The following SCUBE1 variants were observed in gnomAD, a reference collection of about 807,000 sequenced individuals.
The protein encoded by SCUBE1 is signal peptide, CUB and EGF-like domain-containing protein 1.
A neutral mutation model predicts 124.4 loss-of-function variants in SCUBE1; 59 were observed. The ratio of observed to expected loss-of-function variants is 0.47; its 90% CI spans 0.38 to 0.59. SCUBE1 has a LOEUF of 0.59. Ranked by LOEUF, SCUBE1 falls within the 20% of genes least tolerant of loss-of-function variation. The pLI, the probability that SCUBE1 is intolerant of heterozygous loss-of-function variation, is 0.00. For synonymous variants in SCUBE1, 545 were observed against 550.9 expected (o/e 0.99, Z 0.15); for missense variants, 1,150 against 1,371.2 (o/e 0.84, Z 2.55).
chr22:43,232,941 A>G (rs2146680204), intron 7 of SCUBE1, among the ~76,000 whole-genome samples: 1 of 152,276 alleles, frequency 6.6e-6, no homozygotes, highest in South Asian at 2.1e-4. Flanking sequence ...ACACAGTCTC[A>G]GCTACTCCCA....
At chr22:43,304,508 C>T (rs1925892368) in intron 3 of SCUBE1, among the ~76,000 whole-genome samples, 1 of 126,074 alleles carries the variant, frequency 7.9e-6, no homozygotes, top group South Asian at 2.9e-4. Flanking sequence ...GCAGGCTGAA[C>T]CCAGGCAGAG....
At position 43,280,542 on chromosome 22, in the gene SCUBE1, C is replaced by G. The variant is rs62232105; in HGVS notation, c.484+10504G>C. On this transcript the variant is annotated intron_variant, in intron 4 of 21. Transcript: ENST00000360835. ...GCTGTCCCTTCCCCTCACCCATCCT[C>G]CTGTCCCTTCCCCTCACCCATCCTG... 1.6e-3 allele frequency among the ~76,000 whole-genome samples: 113 copies of G among 69,632 alleles called. 1 individual carries two copies. Among genetic ancestry groups the G allele is most frequent in the Middle Eastern group, 8.9e-3 (1 of 112 alleles). The allele number at this position is 69,632 out of a possible 152,430, so 45.7% of individuals were successfully genotyped here.
At chr22:43,337,645 G>A (rs907196741) in intron 2 of SCUBE1, among the ~76,000 whole-genome samples, 1 of 152,214 alleles carries the variant, frequency 6.6e-6, no homozygotes, top group African/African-American at 2.4e-5. Flanking sequence ...GAGCGTGCCA[G>A]GAATATTACC....
intron 4 of SCUBE1, among the ~76,000 whole-genome samples, chr22:43,279,999 G>A (rs1201999828): frequency 6.6e-6 from 1 of 152,182 alleles, no homozygotes; most frequent in Admixed American, 6.5e-5. Context: ...CCTCACTCAA[G>A]CCAATCAAGT....
intron 6 of SCUBE1, among the ~76,000 whole-genome samples, chr22:43,245,466 T>A (rs1923172454): frequency 6.6e-6 from 1 of 151,954 alleles, no homozygotes; most frequent in Non-Finnish European, 1.5e-5. Flanking sequence ...GGGGTGGGGC[T>A]CAAGTGTGGC....
rs201546663 is a variant in SCUBE1, at chr22:43,262,685, C to T, written c.610+35G>A. 4.1e-4 allele frequency: 655 copies of T among 1,609,076 alleles called. 1 individual carries two copies. Among genetic ancestry groups the T allele is most frequent in the African/African-American group, 2.5e-3 (184 of 74,932 alleles). On this transcript the variant is annotated intron_variant, in intron 5 of 21. Transcript: ENST00000360835. ...CCAGAAAGTAATGGCAGGAGACGCA[C>T]GGGACGTTTGACCCATTTGTCTCCC...
At chr22:43,215,085 G>C (rs1921751319) in intron 15 of SCUBE1, among the ~76,000 whole-genome samples, 1 of 152,216 alleles carries the variant, frequency 6.6e-6, no homozygotes, top group African/African-American at 2.4e-5. Flanking sequence ...CAGGAGCAAT[G>C]AATATCCCAG....
rs1321094739 is a variant in SCUBE1, at chr22:43,198,603, G to T, written c.*5394C>A. ...TACATCCTCTGCCCTTGGCCTGAAT[G>T]ATGTCGGCTCGGCATGGACACCTTG... On this transcript the variant is annotated 3_prime_UTR_variant, in exon 22 of 22. Transcript: ENST00000360835. 2.2e-6 allele frequency: 1 copy of T among 456,656 alleles called. No homozygotes were observed. The highest frequency in any genetic ancestry group is 4.4e-6 in the Non-Finnish European group (1 of 226,982). 28.3% of individuals were successfully genotyped at this position (456,656 alleles called of 1,614,324 possible).
chr22:43,296,574 T>C (rs990228656), intron 3 of SCUBE1, among the ~76,000 whole-genome samples: 1 of 152,198 alleles, frequency 6.6e-6, no homozygotes, highest in African/African-American at 2.4e-5. Flanking sequence ...GGAAATCCTT[T>C]CAACTGGTGA....
intron 4 of SCUBE1, among the ~76,000 whole-genome samples, chr22:43,265,179 A>G (rs1924015393): frequency 2.0e-5 from 3 of 152,230 alleles, no homozygotes; most frequent in African/African-American, 7.2e-5. Flanking sequence ...ATGGAATATT[A>G]AGCCCTAGAG....
intron 21 of SCUBE1, among the ~76,000 whole-genome samples, chr22:43,207,069 C>T (rs1020045655): frequency 3.3e-5 from 5 of 152,322 alleles, no homozygotes; most frequent in Non-Finnish European, 7.4e-5. Context: ...GTCCCCAGGC[C>T]TCTGGCCAGT....
At chr22:43,322,232 C>G (rs1436568678) in intron 2 of SCUBE1, among the ~76,000 whole-genome samples, 1 of 152,178 alleles carries the variant, frequency 6.6e-6, no homozygotes, top group Non-Finnish European at 1.5e-5. Flanking sequence ...ATCCGCCCAC[C>G]TTGGCCTCCC....
chr22:43,249,587 G>T (rs1452828126), intron 6 of SCUBE1, among the ~76,000 whole-genome samples: 1 of 152,094 alleles, frequency 6.6e-6, no homozygotes, highest in East Asian at 1.9e-4. Context: ...ACCAAGCTCT[G>T]GCCTGTGTGC....
intron 16 of SCUBE1, 144 bp from the exon 17 acceptor site, chr22:43,212,736 G>A: frequency 1.3e-6 from 1 of 750,654 alleles, no homozygotes; most frequent in Non-Finnish European, 2.1e-6. Flanking sequence ...GACGGGGTGG[G>A]GAAAACGCAG....
At position 43,343,299 on chromosome 22, in the gene SCUBE1, G is replaced by A; in HGVS notation, c.-38C>T. ...CCCCGCTGGGCGTGCGGGCGTGCGGGGCGCGGGGACCCGACCGACCGGCCG... is the reference window on the plus strand; with the variant it reads ...CCCCGCTGGGCGTGCGGGCGTGCGGAGCGCGGGGACCCGACCGACCGGCCG... On this transcript the variant is annotated 5_prime_UTR_variant, in exon 1 of 22. Coordinates refer to ENST00000360835, the MANE Select transcript of SCUBE1 (RefSeq NM_173050.5). 1 of 1,039,860 alleles carries A rather than the reference G, an allele frequency of 9.6e-7. No homozygotes were observed. Among genetic ancestry groups the A allele is most frequent in the South Asian group, 4.5e-5 (1 of 22,102 alleles). The allele number at this position is 1,039,860 out of a possible 1,614,324, so 64.4% of individuals were successfully genotyped here.
intron 10 of SCUBE1, among the ~76,000 whole-genome samples, chr22:43,226,692 A>AC (rs1465674260): frequency 6.6e-6 from 1 of 152,136 alleles, no homozygotes; most frequent in Non-Finnish European, 1.5e-5. Context: ...TAAAAGGCTC[A>AC]CTTAGGCTGC....
At chr22:43,280,468 TCCCGTCCCTTCCCCTCACCCATCCCC>T (rs1569009421) in intron 4 of SCUBE1, among the ~76,000 whole-genome samples, 16 of 32,820 alleles carry the variant, frequency 4.9e-4, no homozygotes, top group Non-Finnish European at 7.5e-4. Flanking sequence ...TCACCCATCC[TCCCGTCCCTTCCCCTCACCCATCCCC>T]GTCCCTTCCC....
chr22:43,302,423 T>C (rs573964255), intron 3 of SCUBE1, among the ~76,000 whole-genome samples: 105 of 152,322 alleles, frequency 6.9e-4, no homozygotes, highest in South Asian at 1.2e-3. Context: ...GAACTACATT[T>C]CACTCACTTT....
At chr22:43,318,595 T>C (rs1351573745) in intron 3 of SCUBE1, among the ~76,000 whole-genome samples, 1 of 152,160 alleles carries the variant, frequency 6.6e-6, no homozygotes, top group Non-Finnish European at 1.5e-5. Flanking sequence ...ATCACCACTA[T>C]GGTAAAAACA....
Sources: gnomAD v4.1 joint callset for allele counts (sites outside exome capture counted in the v4.1 genomes callset) on GRCh38, gnomAD v4.1.1 for gene constraint, MANE v1.5 for transcripts, NCBI Gene and HGNC (gene_info 2026-07-23, HGNC 2026-07-21) for gene names.